The following NTM variants were observed in gnomAD, a reference collection of about 807,000 sequenced individuals.
NTM encodes IgLON family member 2.
NTM carries 13 observed loss-of-function variants against 42.1 expected under a neutral mutation model. The observed-to-expected ratio is 0.31, with a 90% confidence interval of 0.20 to 0.49. The LOEUF is 0.49. NTM is among the 20% of genes least tolerant of loss of function. The probability of loss-of-function intolerance (pLI) is 0.99; values close to 1 mark genes in which losing one functional copy is unlikely to be tolerated. For synonymous variants in NTM, 187 were observed against 179.2 expected (o/e 1.04, Z -0.35); for missense variants, 373 against 452.8 (o/e 0.82, Z 1.60).
At chr11:131,490,878 C>T (rs1047624434) in intron 1 of NTM, among the ~76,000 whole-genome samples, 2 of 152,160 alleles carry the variant, frequency 1.3e-5, no homozygotes, top group South Asian at 2.1e-4. Context: ...ATCAAATGTA[C>T]TTTATGTACC....
At chr11:131,710,547 A>G (rs2077016347) in intron 1 of NTM, among the ~76,000 whole-genome samples, 1 of 152,152 alleles carries the variant, frequency 6.6e-6, no homozygotes, top group Non-Finnish European at 1.5e-5. Flanking sequence ...TTCTGTCATG[A>G]TATCTACTCA....
rs150599514 is a variant in NTM, at chr11:131,647,675, T to G, written c.83-263889T>G. ...CAGAGTTAAACAATTTTTCCAAAATTATATGATTTGTAAATGATGGAACTG... is the reference window on the plus strand; with the variant it reads ...CAGAGTTAAACAATTTTTCCAAAATGATATGATTTGTAAATGATGGAACTG... On this transcript the variant is annotated intron_variant, in intron 1 of 8. Coordinates refer to ENST00000683400, the MANE Select transcript of NTM (RefSeq NM_001352005.2). Among the ~76,000 whole-genome samples, 65 of 152,332 alleles carry G rather than the reference T, an allele frequency of 4.3e-4. 1 individual carries two copies. Among genetic ancestry groups the G allele is most frequent in the African/African-American group, 1.3e-3 (56 of 41,580 alleles).
chr11:132,314,044 T>C (rs753654382), intron 6 of NTM, among the ~76,000 whole-genome samples: 1 of 151,288 alleles, frequency 6.6e-6, no homozygotes, highest in Non-Finnish European at 1.5e-5. Flanking sequence ...ATCTATACAA[T>C]GCAATGCTTC....
At chr11:131,645,322 G>A (rs1166286915) in intron 1 of NTM, among the ~76,000 whole-genome samples, 2 of 152,102 alleles carry the variant, frequency 1.3e-5, no homozygotes, top group South Asian at 2.1e-4. Flanking sequence ...CTTTCTCCTC[G>A]CCGTGCGTTT....
chr11:132,307,538 A>C, intron 4 of NTM, 151 bp from the exon 5 acceptor site: 1 of 1,010,584 alleles, frequency 9.9e-7, no homozygotes, highest in Non-Finnish European at 1.4e-6. Flanking sequence ...GAAGAGACGG[A>C]GGAGGGATAA....
chr11:131,631,691 C>A (rs1422649079), intron 1 of NTM, among the ~76,000 whole-genome samples: 1 of 152,170 alleles, frequency 6.6e-6, no homozygotes, highest in Admixed American at 6.5e-5. Flanking sequence ...AATGTTAATG[C>A]ATTAAAATTT....
chr11:131,522,556 C>G (rs927674656), intron 1 of NTM, among the ~76,000 whole-genome samples: 6 of 152,094 alleles, frequency 3.9e-5, no homozygotes, highest in Non-Finnish European at 7.3e-5. Context: ...AAGCTTTCTC[C>G]AGGGAAACAG....
At chr11:132,143,802 T>C (rs1447831523) in intron 2 of NTM, among the ~76,000 whole-genome samples, 1 of 152,194 alleles carries the variant, frequency 6.6e-6, no homozygotes. Context: ...TCGTTCCAAA[T>C]TCATGTTTCA....
chr11:131,602,077 G>T lies in NTM; in HGVS notation c.82+231189G>T, dbSNP rs1376189528. The stretch of plus-strand genomic sequence containing the variant: ...AATATCTCTCTAGTTTATTTTTTAG[G>T]CCAGTTTATTAATTAAAAGTACTTA... On this transcript the variant is annotated intron_variant, in intron 1 of 8. Coordinates refer to ENST00000683400, the MANE Select transcript of NTM (RefSeq NM_001352005.2). Among the ~76,000 whole-genome samples the T allele has an allele frequency of 2.0e-5, 3 of 152,118 alleles. No individual in the cohort carries two copies. The East Asian group carries it at 5.8e-4, about 29-fold the overall frequency.
Position 132,307,781 on chromosome 11 carries a change from G to T in NTM, c.619G>T (p.Val207Leu), listed in dbSNP as rs746863033. The T allele has an allele frequency of 6.2e-7, 1 of 1,614,032 alleles. No individual in the cohort carries two copies. The highest frequency in any genetic ancestry group is 1.3e-5 in the African/African-American group (1 of 74,914). Residue 207 changes from valine to leucine, a missense_variant, in exon 5 of 9, where the codon GTG becomes TTG. Val to Leu is a conservative substitution (Grantham distance 32, BLOSUM62 1). Coordinates refer to ENST00000683400, the MANE Select transcript of NTM (RefSeq NM_001352005.2). Reference protein sequence around the residue: ...GDYECSASNDVAAPVVRRVKV... With the variant: ...GDYECSASNDLAAPVVRRVKV... The stretch of plus-strand genomic sequence containing the variant: ...CTACGAGTGCAGTGCCTCCAATGAC[G>T]TGGCCGCGCCCGTGGTACGGAGAGT...
intron 1 of NTM, among the ~76,000 whole-genome samples, chr11:131,411,243 G>A (rs1358215791): frequency 1.3e-5 from 2 of 152,174 alleles, no homozygotes; most frequent in African/African-American, 4.8e-5. Flanking sequence ...ACGTGCTTAT[G>A]AAATTGTAAT....
At chr11:131,496,298 C>G (rs1955332836) in intron 1 of NTM, among the ~76,000 whole-genome samples, 2 of 152,210 alleles carry the variant, frequency 1.3e-5, no homozygotes, top group Non-Finnish European at 2.9e-5. Context: ...GTCCTGCGGA[C>G]AGTCAGCTGG....
intron 4 of NTM, among the ~76,000 whole-genome samples, chr11:132,282,778 A>G (rs1344540532): frequency 6.6e-6 from 1 of 152,168 alleles, no homozygotes; most frequent in Non-Finnish European, 1.5e-5. Flanking sequence ...CATAATCTAC[A>G]CAAAATCTTC....
At chr11:131,763,707 C>CTT (rs1443279848) in intron 1 of NTM, among the ~76,000 whole-genome samples, 7 of 60,796 alleles carry the variant, frequency 1.2e-4, no homozygotes, top group East Asian at 2.2e-3. Context: ...CCATCTCTCT[C>CTT]TCTTTTTTTT....
intron 3 of NTM, among the ~76,000 whole-genome samples, chr11:132,207,690 A>T (rs1282185224): frequency 6.6e-6 from 1 of 152,136 alleles, no homozygotes; most frequent in African/African-American, 2.4e-5. Context: ...TGGCCACAAA[A>T]TGTCTTACTG....
chr11:132,058,880 TATATTGA>T (rs1314391053), intron 2 of NTM, among the ~76,000 whole-genome samples: 49 of 152,184 alleles, frequency 3.2e-4, no homozygotes, highest in Admixed American at 3.2e-3. Flanking sequence ...GTACTTGCTC[TATATTGA>T]ATGAAATTAA....
intron 2 of NTM, among the ~76,000 whole-genome samples, chr11:132,144,375 G>GT (rs1156655162): frequency 6.6e-6 from 1 of 152,228 alleles, no homozygotes; most frequent in African/African-American, 2.4e-5. Context: ...TGAGAAACAT[G>GT]TGGAGCTGGC....
chr11:131,909,761 AGAGAG>A (rs2054418939), intron 1 of NTM: 3 of 152,346 alleles, frequency 2.0e-5, no homozygotes, highest in Non-Finnish European at 1.5e-5. Flanking sequence ...AGCAGCAGCC[AGAGAG>A]GAGAAGTGAC....
intron 2 of NTM, among the ~76,000 whole-genome samples, chr11:132,136,526 ACT>A (rs2137163709): frequency 6.6e-6 from 1 of 151,744 alleles, no homozygotes; most frequent in Non-Finnish European, 1.5e-5. Flanking sequence ...CTTTCCAGCC[ACT>A]CCCTCCCACC....
Sources: gnomAD v4.1 joint callset for allele counts (sites outside exome capture counted in the v4.1 genomes callset) on GRCh38, gnomAD v4.1.1 for gene constraint, MANE v1.5 for transcripts, NCBI Gene and HGNC (gene_info 2026-07-23, HGNC 2026-07-21) for gene names.